CLMN: variants seen among roughly 807,000 people sequenced by gnomAD.
CLMN encodes calmin (calponin-like, transmembrane).
In CLMN, 57 loss-of-function variants were observed where a neutral mutation model predicts 92.7. That is an observed-to-expected ratio of 0.61 (90% CI 0.50 to 0.77). The LOEUF is 0.77. Ranked by LOEUF, CLMN falls within the 30% of genes least tolerant of loss-of-function variation. CLMN has a pLI of 0.00. For missense variants in CLMN, 1,158 were observed against 1,237.5 expected, an observed-to-expected ratio of 0.94 and a Z score of 0.96; for synonymous variants, 466 against 470.6, an observed-to-expected ratio of 0.99 and a Z score of 0.13.
Position 95,203,064 on chromosome 14 carries a change from C to G in CLMN, c.2285G>C (p.Gly762Ala), listed in dbSNP as rs1194888097. Residue 762 changes from glycine to alanine, a missense_variant, in exon 9 of 13, where the codon GGC (glycine) becomes GCC (alanine). Physicochemically the swap from Gly to Ala is moderately conservative, Grantham distance 60. Transcript: ENST00000298912. ...CCTGGAGTCCAGGTCTGGCATATAG[C>G]CCTCTGGCTCTTCGAGATCCATTTC... ...NEEMDLEEPEGYMPDLDSREE... is the reference protein window; with the variant it reads ...NEEMDLEEPEAYMPDLDSREE... 1.2e-6 allele frequency: 2 copies of G among 1,614,096 alleles called. No homozygotes were observed. The highest frequency in any genetic ancestry group is 2.2e-5 in the South Asian group (2 of 91,080).
chr14:95,275,452 A>G (rs1191297729), intron 1 of CLMN, among the ~76,000 whole-genome samples: 1 of 152,188 alleles, frequency 6.6e-6, no homozygotes, highest in African/African-American at 2.4e-5. Context: ...CACCAGCACC[A>G]TGACAGTTTA....
chr14:95,236,387 C>T (rs374594258), intron 1 of CLMN, among the ~76,000 whole-genome samples: 3 of 152,228 alleles, frequency 2.0e-5, no homozygotes, highest in African/African-American at 7.2e-5. Context: ...CAGAACATCT[C>T]GCGCAGCTTG....
chr14:95,249,540 A>G (rs900640372), intron 1 of CLMN, among the ~76,000 whole-genome samples: 7 of 151,904 alleles, frequency 4.6e-5, no homozygotes, highest in Admixed American at 2.0e-4. Flanking sequence ...TGCCTCCCCA[A>G]TATCCATTTT....
At chr14:95,197,411 A>G (rs1896751079) in intron 9 of CLMN, among the ~76,000 whole-genome samples, 2 of 151,894 alleles carry the variant, frequency 1.3e-5, no homozygotes, top group South Asian at 4.3e-4. Context: ...GAAAAAAAGA[A>G]AGAAAGAAAG....
chr14:95,272,707 G>A (rs947615531), intron 1 of CLMN, among the ~76,000 whole-genome samples: 1 of 152,190 alleles, frequency 6.6e-6, no homozygotes, highest in African/African-American at 2.4e-5. Flanking sequence ...AAGAAGCAAG[G>A]TGGCCCTGGC....
At position 95,221,783 on chromosome 14, in the gene CLMN, C is replaced by T. The variant is rs769515560; in HGVS notation, c.241-9G>A. On this transcript the variant is annotated splice_polypyrimidine_tract_variant and intron_variant, in intron 3 of 12. Transcript: ENST00000298912. ...GATTTGTATTCGTGCAGCTATAAAA[C>T]AGAACAGAACAAAACAAGCACATTA... The T allele has an allele frequency of 6.2e-7, 1 of 1,613,700 alleles. No homozygotes were observed. The highest frequency in any genetic ancestry group is 8.5e-7 in the Non-Finnish European group (1 of 1,179,726).
Position 95,203,484 on chromosome 14 carries a change from G to A in CLMN, c.1865C>T (p.Pro622Leu), listed in dbSNP as rs1896948676. Reference sequence around the variant, plus strand: ...TTCATGTTTGTCCATCTTAACTTGAGGCTCTGGCGAATCCTTCTTTTTGTG... The same window carrying A: ...TTCATGTTTGTCCATCTTAACTTGAAGCTCTGGCGAATCCTTCTTTTTGTG... Reference protein sequence around the residue: ...SAHKKKDSPEPQVKMDKHEPH... With the variant: ...SAHKKKDSPELQVKMDKHEPH... The change falls in exon 9 of 13, where the codon CCT becomes CTT. Residue 622 changes from proline (P) to leucine (L), a missense_variant. Coordinates refer to ENST00000298912, the MANE Select transcript of CLMN (RefSeq NM_024734.4). 1.9e-6 allele frequency: 3 copies of A among 1,614,056 alleles called. No homozygotes were observed. Among genetic ancestry groups the A allele is most frequent in the African/African-American group, 2.7e-5 (2 of 74,906 alleles).
intron 7 of CLMN, among the ~76,000 whole-genome samples, chr14:95,209,679 T>C (rs1332293731): frequency 6.6e-6 from 1 of 152,244 alleles, no homozygotes; most frequent in Non-Finnish European, 1.5e-5. Context: ...GAAGCAAGGA[T>C]ATAGAATTTA....
chr14:95,317,032 C>T (rs1901812484), intron 1 of CLMN, among the ~76,000 whole-genome samples: 1 of 152,170 alleles, frequency 6.6e-6, no homozygotes, highest in Non-Finnish European at 1.5e-5. Flanking sequence ...TGCCTGGACT[C>T]CTCCTGCCTC....
intron 1 of CLMN, among the ~76,000 whole-genome samples, chr14:95,245,903 AATGGATGG>A (rs61217941): frequency 2.2e-4 from 33 of 148,200 alleles, no homozygotes; most frequent in South Asian, 4.4e-4. Flanking sequence ...CACACGGATG[AATGGATGG>A]ATGGATGGAT....
intron 9 of CLMN, among the ~76,000 whole-genome samples, chr14:95,198,042 C>CTTTTTTTTTTTTTT (rs1019598103): frequency 1.4e-4 from 10 of 69,950 alleles, no homozygotes; most frequent in East Asian, 5.3e-4. Context: ...TTTTTTCTTT[C>CTTTTTTTTTTTTTT]TTTTTTTTTT....
rs1896944435 is a variant in CLMN at position 95,203,369 on chromosome 14, C to T, written c.1980G>A (p.Lys660=). Reference sequence around the variant, plus strand: ...GAGGACGGGTGGACTTTCTCTTGGCCTTTTCATGCACCTCTGGCTTTTTAT... The same window carrying T: ...GAGGACGGGTGGACTTTCTCTTGGCTTTTTCATGCACCTCTGGCTTTTTAT... The part of the protein sequence containing the change: ...PVDKKPEVHE[K]AKRKSTRPHY... The change falls in exon 9 of 13, where the codon AAG becomes AAA. Residue 660 remains lysine, a synonymous_variant. Transcript: ENST00000298912. The T allele has an allele frequency of 6.8e-6, 11 of 1,614,108 alleles. No homozygotes were observed. Among genetic ancestry groups the T allele is most frequent in the Non-Finnish European group, 9.3e-6 (11 of 1,180,026 alleles).
rs772122468 is a variant in CLMN at position 95,203,659 on chromosome 14, A to G, written c.1690T>C (p.Ser564Pro). The G allele has an allele frequency of 6.2e-7, 1 of 1,614,056 alleles. No individual in the cohort carries two copies. The highest frequency in any genetic ancestry group is 1.3e-5 in the African/African-American group (1 of 74,914). ...DYFEAIPLKA[S>P]KFNSDLIDFA... ...TCTATTAGGTCGCTGTTAAATTTTGAGGCTTTTAATGGGATGGCTTCAAAA... is the reference window on the plus strand; with the variant it reads ...TCTATTAGGTCGCTGTTAAATTTTGGGGCTTTTAATGGGATGGCTTCAAAA... Residue 564 changes from serine (S) to proline (P), a missense_variant, in exon 9 of 13, where the codon TCA (serine) becomes CCA (proline). Coordinates refer to ENST00000298912, the MANE Select transcript of CLMN (RefSeq NM_024734.4).
intron 2 of CLMN, among the ~76,000 whole-genome samples, chr14:95,225,953 T>A (rs1595592476): frequency 6.6e-6 from 1 of 152,284 alleles, no homozygotes; most frequent in South Asian, 2.1e-4. Flanking sequence ...AACTTGTGGG[T>A]TAGATGCTCC....
At chr14:95,276,087 C>T (rs1368317476) in intron 1 of CLMN, among the ~76,000 whole-genome samples, 2 of 152,214 alleles carry the variant, frequency 1.3e-5, no homozygotes, top group Non-Finnish European at 2.9e-5. Flanking sequence ...TCCAGTAACA[C>T]CTTCCTGGCA....
chr14:95,319,863 C>CGGAGA lies in CLMN; in HGVS notation c.-72_-71insTCTCC. 2 of 895,856 alleles carry CGGAGA rather than the reference C, an allele frequency of 2.2e-6. No individual in the cohort carries two copies. The highest frequency in any genetic ancestry group is 2.7e-6 in the Non-Finnish European group (2 of 752,922). The allele number at this position is 895,856 out of a possible 1,614,324, so 55.5% of individuals were successfully genotyped here. Reference sequence around the variant, plus strand: ...GCGCGGAGAGCCTGGCTGGCGGGCGCGCGAGCGGCACGCACCCGGCGAGGG... The same window carrying CGGAGA: ...GCGCGGAGAGCCTGGCTGGCGGGCGCGGAGAGCGAGCGGCACGCACCCGGCGAGGG... On this transcript the variant is annotated 5_prime_UTR_variant, in exon 1 of 13. Transcript: ENST00000298912.
intron 1 of CLMN, among the ~76,000 whole-genome samples, chr14:95,250,676 C>T (rs987648269): frequency 6.6e-6 from 1 of 152,238 alleles, no homozygotes; most frequent in Non-Finnish European, 1.5e-5. Flanking sequence ...TGAAGAGCTA[C>T]AGAGCATGTC....
At chr14:95,308,279 G>C (rs976547593) in intron 1 of CLMN, among the ~76,000 whole-genome samples, 1 of 152,200 alleles carries the variant, frequency 6.6e-6, no homozygotes, top group Non-Finnish European at 1.5e-5. Flanking sequence ...ACTGTGATAA[G>C]GCTCAGCAGC....
chr14:95,210,534 GA>G, intron 7 of CLMN, 151 bp downstream of exon 7: 1 of 673,114 alleles, frequency 1.5e-6, no homozygotes, highest in Non-Finnish European at 2.4e-6. Flanking sequence ...TAAAATATCG[GA>G]AAAATATCCA....
Sources: allele counts gnomAD v4.1 joint callset (sites outside exome capture counted in the v4.1 genomes callset), GRCh38; gene constraint gnomAD v4.1.1; transcripts MANE v1.5; gene names NCBI Gene and HGNC (gene_info 2026-07-23, HGNC 2026-07-21).